PALM2AKAP2: variants seen among roughly 807,000 people sequenced by gnomAD.
PALM2AKAP2 encodes PALM2 and AKAP2 fusion.
Under a neutral mutation model 71.5 loss-of-function variants are expected in PALM2AKAP2, and 37 were observed. That is an observed-to-expected ratio of 0.52 (90% CI 0.40 to 0.68). PALM2AKAP2 has a LOEUF of 0.68. Ranked by LOEUF, PALM2AKAP2 falls within the 30% of genes least tolerant of loss-of-function variation. PALM2AKAP2 has a pLI of 0.00. For missense variants in PALM2AKAP2, 1,224 were observed against 1,191.8 expected, an observed-to-expected ratio of 1.03 and a Z score of -0.40; for synonymous variants, 468 against 478.8, an observed-to-expected ratio of 0.98 and a Z score of 0.29.
intron 1 of PALM2AKAP2, among the ~76,000 whole-genome samples, chr9:109,648,473 A>G (rs1406337220): frequency 6.6e-6 from 1 of 152,208 alleles, no homozygotes; most frequent in Non-Finnish European, 1.5e-5. Flanking sequence ...ATTGTGTTAG[A>G]GGAGACAGAC....
At chr9:110,054,712 A>G (rs1271277057) in intron 1 of PALM2AKAP2, among the ~76,000 whole-genome samples, 2 of 152,058 alleles carry the variant, frequency 1.3e-5, no homozygotes, top group African/African-American at 4.8e-5. Flanking sequence ...AGCTGGGACT[A>G]CAGGTGCATG....
chr9:109,725,971 A>G (rs1466030632), intron 1 of PALM2AKAP2, among the ~76,000 whole-genome samples: 1 of 152,192 alleles, frequency 6.6e-6, no homozygotes, highest in Non-Finnish European at 1.5e-5. Flanking sequence ...GGTAGCACGT[A>G]GTGCCTCATA....
At position 109,869,205 on chromosome 9, in the gene PALM2AKAP2, A is replaced by AT. The variant is rs200007864; in HGVS notation, c.126+1642dup. ...TAAACATATGTCAAAACATCAAGGG[A>AT]TTTTTTTTCTTTGGTCTCCCTTCTC... On this transcript the variant is annotated intron_variant, in intron 2 of 9. Transcript: ENST00000302798. Among the ~76,000 whole-genome samples, 1,200 of 152,064 alleles carry AT rather than the reference A, an allele frequency of 7.9e-3. 18 individuals carry two copies. Among genetic ancestry groups the AT allele is most frequent in the African/African-American group, 0.027 (1,121 of 41,450 alleles).
intron 1 of PALM2AKAP2, among the ~76,000 whole-genome samples, chr9:109,727,857 A>C (rs1828497858): frequency 6.6e-6 from 1 of 152,260 alleles, no homozygotes; most frequent in African/African-American, 2.4e-5. Context: ...AGTCTACCTG[A>C]AAATGATTCC....
Position 110,140,773 on chromosome 9 carries a change from A to C in PALM2AKAP2, c.2569+2234A>C, listed in dbSNP as rs910836034. On this transcript the variant is annotated intron_variant, in intron 2 of 3. Coordinates refer to ENST00000374525, the Ensembl canonical transcript of PALM2AKAP2. The stretch of plus-strand genomic sequence containing the variant: ...CATTTTCCAGGTGGCCACTGCCACG[A>C]CCCTTCACCAACACCCTCCTTACCC... Among the ~76,000 whole-genome samples, 5 of 152,094 alleles carry C rather than the reference A, an allele frequency of 3.3e-5. No individual in the cohort carries two copies. The Middle Eastern group carries it at 0.01, about 310-fold the overall frequency.
intron 1 of PALM2AKAP2, among the ~76,000 whole-genome samples, chr9:110,133,549 C>T (rs896442582): frequency 4.6e-5 from 7 of 152,174 alleles, no homozygotes; most frequent in Admixed American, 6.5e-5. Flanking sequence ...TTTACTATTA[C>T]GTTGCCCTTC....
At chr9:109,829,431 G>A (rs1421718249) in intron 1 of PALM2AKAP2, among the ~76,000 whole-genome samples, 1 of 152,096 alleles carries the variant, frequency 6.6e-6, no homozygotes, top group Non-Finnish European at 1.5e-5. Context: ...TGTTTCCCCA[G>A]CACCCTGGAG....
chr9:110,156,628 T>C (rs1836464463), intron 3 of PALM2AKAP2, 131 bp downstream of exon 9: 1 of 1,274,586 alleles, frequency 7.8e-7, no homozygotes, highest in African/African-American at 1.5e-5. Context: ...TCAGTTTTCA[T>C]ATATGTGGTT....
At position 110,023,159 on chromosome 9, in the gene PALM2AKAP2, C is replaced by A. The variant is rs944914405; in HGVS notation, c.582+7120C>A. 1.6e-4 allele frequency among the ~76,000 whole-genome samples: 24 copies of A among 151,650 alleles called. 1 individual carries two copies. The highest frequency in any genetic ancestry group is 5.8e-4 in the African/African-American group (24 of 41,396). On this transcript the variant is annotated intron_variant, in intron 7 of 9. Transcript: ENST00000302798. ...GATCCCTGAGGAATCGCCACACTGA[C>A]TTCCACAATGGTTGAACTAGTTTAC...
At chr9:109,734,544 C>T (rs1350643425) in intron 1 of PALM2AKAP2, among the ~76,000 whole-genome samples, 1 of 152,170 alleles carries the variant, frequency 6.6e-6, no homozygotes, top group Non-Finnish European at 1.5e-5. Flanking sequence ...ATATTTTCCT[C>T]TTTGCAGACA....
At chr9:109,818,114 G>A (rs946981795) in intron 1 of PALM2AKAP2, among the ~76,000 whole-genome samples, 5 of 152,164 alleles carry the variant, frequency 3.3e-5, no homozygotes, top group Non-Finnish European at 7.3e-5. Flanking sequence ...CATATTTTTG[G>A]AATGAGGCAA....
chr9:109,805,167 G>A (rs1180618896), intron 1 of PALM2AKAP2, among the ~76,000 whole-genome samples: 1 of 152,176 alleles, frequency 6.6e-6, no homozygotes, highest in East Asian at 1.9e-4. Context: ...ATTGAGACAA[G>A]GGGATAAGGG....
intron 6 of PALM2AKAP2, among the ~76,000 whole-genome samples, chr9:109,965,774 G>A (rs1831934305): frequency 6.6e-6 from 1 of 152,088 alleles, no homozygotes; most frequent in Non-Finnish European, 1.5e-5. Flanking sequence ...TGCAGTACCT[G>A]GCCATTGAAG....
intron 3 of PALM2AKAP2, among the ~76,000 whole-genome samples, chr9:109,885,564 C>T (rs1829945807): frequency 6.6e-6 from 1 of 152,016 alleles, no homozygotes; most frequent in African/African-American, 2.4e-5. Context: ...TACCTAGAAA[C>T]CCCCCAAGGA....
At chr9:110,156,737 C>T (rs1836467547) in intron 3 of PALM2AKAP2, among the ~76,000 whole-genome samples, 1 of 152,120 alleles carries the variant, frequency 6.6e-6, no homozygotes, top group African/African-American at 2.4e-5. Flanking sequence ...TAGCTGGAGT[C>T]GACCAGCAAG....
exon 2 of PALM2AKAP2, chr9:110,137,693 A>G (rs1327080195): frequency 1.2e-6 from 2 of 1,614,146 alleles, no homozygotes; most frequent in Non-Finnish European, 1.7e-6. Flanking sequence ...TCAGGATACC[A>G]CAGTCCTGGA....
At chr9:110,004,890 A>G (rs1832748989) in intron 6 of PALM2AKAP2, among the ~76,000 whole-genome samples, 2 of 152,122 alleles carry the variant, frequency 1.3e-5, no homozygotes, top group Admixed American at 6.5e-5. Flanking sequence ...CAGGTCCTTT[A>G]AGGACTTCTT....
At position 110,017,990 on chromosome 9, in the gene PALM2AKAP2, T is replaced by G. The variant is rs941994802; in HGVS notation, c.582+1951T>G. 7.9e-5 allele frequency among the ~76,000 whole-genome samples: 12 copies of G among 152,018 alleles called. No homozygotes were observed. The East Asian group carries it at 9.8e-4, about 12-fold the overall frequency. On this transcript the variant is annotated intron_variant, in intron 7 of 9. Coordinates refer to the PALM2AKAP2 transcript ENST00000302798. ...GTCCGCCTGCCTCAGCCTCCCAAAG[T>G]GCTGGGATTACAGGCGTGAGTCACC...
At chr9:109,928,665 C>T (rs972919219) in intron 5 of PALM2AKAP2, among the ~76,000 whole-genome samples, 4 of 149,876 alleles carry the variant, frequency 2.7e-5, no homozygotes, top group Non-Finnish European at 4.5e-5. Flanking sequence ...CCTTATCTTT[C>T]TCTCGCTCTC....
Sources: gnomAD v4.1 joint callset for allele counts (sites outside exome capture counted in the v4.1 genomes callset) on GRCh38, gnomAD v4.1.1 for gene constraint, MANE v1.5 for transcripts, NCBI Gene and HGNC (gene_info 2026-07-23, HGNC 2026-07-21) for gene names.